PDE7B: variants seen among roughly 807,000 people sequenced by gnomAD.
The protein encoded by PDE7B is 3',5'-cyclic-AMP phosphodiesterase 7B.
A neutral mutation model predicts 56.2 loss-of-function variants in PDE7B; 29 were observed. The ratio of observed to expected loss-of-function variants is 0.52; its 90% CI spans 0.38 to 0.70. The LOEUF is 0.70. PDE7B is among the 30% of genes least tolerant of loss of function. The probability of loss-of-function intolerance (pLI) is 0.00; values close to 1 mark genes in which losing one functional copy is unlikely to be tolerated. For missense variants in PDE7B, 490 were observed against 565.0 expected (o/e 0.87, Z 1.35); for synonymous variants, 197 against 196.9 (o/e 1.00, Z 0.00).
At chr6:136,141,861 G>A (rs531855450) in intron 3 of PDE7B, among the ~76,000 whole-genome samples, 21 of 149,922 alleles carry the variant, frequency 1.4e-4, no homozygotes, top group East Asian at 3.9e-4. Flanking sequence ...TCTCTTATTC[G>A]TCTTGCGAGC....
At chr6:136,127,956 G>A (rs150191426) in intron 3 of PDE7B, among the ~76,000 whole-genome samples, 4 of 152,320 alleles carry the variant, frequency 2.6e-5, no homozygotes, top group African/African-American at 4.8e-5. Flanking sequence ...CTGACACTTT[G>A]AAGAATGATT....
At chr6:136,148,078 C>T (rs549051954) in intron 4 of PDE7B, among the ~76,000 whole-genome samples, 28 of 152,242 alleles carry the variant, frequency 1.8e-4, no homozygotes, top group Admixed American at 1.8e-3. Context: ...ATGTCTACCC[C>T]AAACTGCCAA....
At chr6:136,115,504 C>CA (rs1397655369) in intron 3 of PDE7B, among the ~76,000 whole-genome samples, 3 of 152,194 alleles carry the variant, frequency 2.0e-5, no homozygotes, top group African/African-American at 7.2e-5. Flanking sequence ...GGGATCCAAG[C>CA]AGAGAAGTCA....
At chr6:135,985,788 C>T (rs563563516) in intron 2 of PDE7B, among the ~76,000 whole-genome samples, 29 of 152,178 alleles carry the variant, frequency 1.9e-4, no homozygotes, top group Non-Finnish European at 3.7e-4. Flanking sequence ...CTTTCTTCGA[C>T]GTACTACCAA....
intron 2 of PDE7B, among the ~76,000 whole-genome samples, chr6:135,990,564 T>C (rs891860533): frequency 6.6e-6 from 1 of 152,216 alleles, no homozygotes; most frequent in Non-Finnish European, 1.5e-5. Context: ...GGCGGCAGCA[T>C]CCTGCTAGCC....
At chr6:135,981,961 C>G (rs992822783) in intron 2 of PDE7B, among the ~76,000 whole-genome samples, 3 of 152,112 alleles carry the variant, frequency 2.0e-5, no homozygotes, top group African/African-American at 7.2e-5. Flanking sequence ...GTGCGATGCA[C>G]TGTGCTACAA....
chr6:135,984,603 A>G (rs758999004), intron 2 of PDE7B, among the ~76,000 whole-genome samples: 4 of 152,160 alleles, frequency 2.6e-5, no homozygotes, highest in Non-Finnish European at 5.9e-5. Flanking sequence ...TCCAGGAAAA[A>G]TACCTAATTT....
At chr6:136,150,506 T>G (rs768433882) in intron 5 of PDE7B, among the ~76,000 whole-genome samples, 1 of 152,200 alleles carries the variant, frequency 6.6e-6, no homozygotes, top group African/African-American at 2.4e-5. Context: ...TGTCAAACAT[T>G]AGTTGGCTGC....
At chr6:136,124,987 T>C (rs1777997719) in intron 3 of PDE7B, among the ~76,000 whole-genome samples, 1 of 152,210 alleles carries the variant, frequency 6.6e-6, no homozygotes, top group African/African-American at 2.4e-5. Context: ...AACAAATATT[T>C]AAAGTACAAT....
intron 5 of PDE7B, 30 bp from the exon 6 acceptor site, chr6:136,151,130 T>G (rs2128447263): frequency 1.8e-6 from 2 of 1,133,596 alleles, no homozygotes; most frequent in Non-Finnish European, 2.7e-6. Context: ...TGATCAAAAT[T>G]AGTTAAAGGA....
chr6:136,187,504 C>G (rs978369780), intron 12 of PDE7B, among the ~76,000 whole-genome samples: 1 of 152,066 alleles, frequency 6.6e-6, no homozygotes, highest in Non-Finnish European at 1.5e-5. Context: ...GGGTCGCTAC[C>G]CCTCATCCCT....
At chr6:135,909,559 T>C (rs1307035531) in intron 1 of PDE7B, among the ~76,000 whole-genome samples, 1 of 152,040 alleles carries the variant, frequency 6.6e-6, no homozygotes, top group East Asian at 1.9e-4. Flanking sequence ...TGAGCCGAGA[T>C]CATGCCACTG....
chr6:136,148,114 G>A (rs1348938150), intron 4 of PDE7B, among the ~76,000 whole-genome samples: 5 of 151,984 alleles, frequency 3.3e-5, no homozygotes, highest in African/African-American at 1.2e-4. Context: ...AGCAATAAAT[G>A]CCCCAGTTTA....
Position 136,118,638 on chromosome 6 carries a change from C to G in PDE7B, c.166+9824C>G, listed in dbSNP as rs190304073. On this transcript the variant is annotated intron_variant, in intron 3 of 12. Coordinates refer to ENST00000308191, the MANE Select transcript of PDE7B (RefSeq NM_018945.4). ...CAAATATATAATCGCAGAGCACAAG[C>G]TTTTAACCATAGTAAAGTATAATCC... 2.0e-4 allele frequency among the ~76,000 whole-genome samples: 30 copies of G among 152,230 alleles called. No individual in the cohort carries two copies. The East Asian group carries it at 4.8e-3, about 24-fold the overall frequency.
At chr6:136,045,277 T>C (rs1354539879) in intron 2 of PDE7B, among the ~76,000 whole-genome samples, 1 of 152,328 alleles carries the variant, frequency 6.6e-6, no homozygotes, top group East Asian at 1.9e-4. Flanking sequence ...TGTTTATCCC[T>C]GTCTGCCTTT....
At chr6:136,037,695 T>A (rs9389365) in intron 2 of PDE7B, 4 of 985,200 alleles carry the variant, frequency 4.1e-6, no homozygotes, top group Admixed American at 6.1e-5. Flanking sequence ...TCCAGATAAC[T>A]GGCCTCCAGC....
chr6:136,180,388 A>G (rs758247123), intron 10 of PDE7B, among the ~76,000 whole-genome samples: 3 of 152,200 alleles, frequency 2.0e-5, no homozygotes, highest in Non-Finnish European at 2.9e-5. Flanking sequence ...CTTAAGGCAG[A>G]GGCTGGAGGA....
chr6:136,052,134 A>G (rs1483613876), intron 2 of PDE7B, among the ~76,000 whole-genome samples: 1 of 152,200 alleles, frequency 6.6e-6, no homozygotes, highest in Non-Finnish European at 1.5e-5. Flanking sequence ...TGAAGCTTAC[A>G]ATAAAATGTA....
chr6:136,018,202 G>A (rs1776011405), intron 2 of PDE7B, among the ~76,000 whole-genome samples: 3 of 152,124 alleles, frequency 2.0e-5, no homozygotes, highest in Non-Finnish European at 4.4e-5. Flanking sequence ...TGGCAGGATC[G>A]AGGCAGAATA....
Sources: allele counts gnomAD v4.1 joint callset (sites outside exome capture counted in the v4.1 genomes callset), GRCh38; gene constraint gnomAD v4.1.1; transcripts MANE v1.5; gene names NCBI Gene and HGNC (gene_info 2026-07-23, HGNC 2026-07-21).